CYP7B1: variants seen among roughly 807,000 people sequenced by gnomAD.
The protein encoded by CYP7B1 is cytochrome P450 7B1.
Under a neutral mutation model 42.7 loss-of-function variants are expected in CYP7B1, and 29 were observed. That is an observed-to-expected ratio of 0.68 (90% CI 0.51 to 0.93). The LOEUF (loss-of-function observed/expected upper bound fraction) is 0.93. Ranked by LOEUF, CYP7B1 falls within the 40% of genes least tolerant of loss-of-function variation. CYP7B1 has a pLI of 0.00. For synonymous variants in CYP7B1, 235 were observed against 218.2 expected (o/e 1.08, Z -0.68); for missense variants, 655 against 600.5 (o/e 1.09, Z -0.95).
intron 1 of CYP7B1, among the ~76,000 whole-genome samples, chr8:64,676,880 TC>T (rs1806453717): frequency 6.6e-6 from 1 of 152,088 alleles, no homozygotes; most frequent in South Asian, 2.1e-4. Context: ...ACAAAACTGA[TC>T]CACCATAGCC....
chr8:64,675,891 G>A (rs1211324663), intron 1 of CYP7B1, among the ~76,000 whole-genome samples: 1 of 152,078 alleles, frequency 6.6e-6, no homozygotes, highest in African/African-American at 2.4e-5. Context: ...ATGATATTCT[G>A]CACTTTTCTA....
chr8:64,750,417 G>A (rs1401090255), intron 1 of CYP7B1, among the ~76,000 whole-genome samples: 1 of 152,148 alleles, frequency 6.6e-6, no homozygotes, highest in Non-Finnish European at 1.5e-5. Context: ...CAATTTAAGG[G>A]CATGTTTGAA....
At chr8:64,641,669 C>CA (rs1400054975) in intron 1 of CYP7B1, among the ~76,000 whole-genome samples, 3 of 152,142 alleles carry the variant, frequency 2.0e-5, no homozygotes, top group Non-Finnish European at 4.4e-5. Context: ...GTGGTGTTCA[C>CA]AGTAGCCACT....
intron 1 of CYP7B1, among the ~76,000 whole-genome samples, chr8:64,645,478 T>C (rs1359668860): frequency 2.0e-5 from 3 of 152,108 alleles, no homozygotes; most frequent in South Asian, 2.1e-4. Flanking sequence ...TGGTATCTCA[T>C]TGTGGTTTTG....
chr8:64,664,823 C>G (rs936896502), intron 1 of CYP7B1, among the ~76,000 whole-genome samples: 3 of 152,132 alleles, frequency 2.0e-5, no homozygotes, highest in African/African-American at 7.2e-5. Context: ...GGTACTGAAG[C>G]ATGAGAAACA....
chr8:64,625,498 C>G (rs924156473), intron 1 of CYP7B1, among the ~76,000 whole-genome samples: 2 of 152,116 alleles, frequency 1.3e-5, no homozygotes, highest in Non-Finnish European at 2.9e-5. Flanking sequence ...GTTATAATAT[C>G]GATAAAAAAC....
intron 2 of CYP7B1, among the ~76,000 whole-genome samples, chr8:64,619,181 C>G (rs1805492807): frequency 6.6e-6 from 1 of 152,160 alleles, no homozygotes; most frequent in Admixed American, 6.5e-5. Flanking sequence ...TCTTTGTGAT[C>G]TTTAATCAGA....
chr8:64,655,361 G>T (rs1355829481), intron 1 of CYP7B1, among the ~76,000 whole-genome samples: 1 of 152,022 alleles, frequency 6.6e-6, no homozygotes, highest in Non-Finnish European at 1.5e-5. Context: ...GTGGGCAAAG[G>T]GCATGAACAG....
At chr8:64,713,714 G>A (rs1807114009) in intron 1 of CYP7B1, among the ~76,000 whole-genome samples, 1 of 152,074 alleles carries the variant, frequency 6.6e-6, no homozygotes, top group African/African-American at 2.4e-5. Context: ...GTAATGACCA[G>A]TAGGGTAATA....
At chr8:64,765,385 C>G (rs184103961) in intron 1 of CYP7B1, among the ~76,000 whole-genome samples, 1 of 152,286 alleles carries the variant, frequency 6.6e-6, no homozygotes, top group Admixed American at 6.5e-5. Flanking sequence ...GTTGCTTACA[C>G]CCTCTATGAA....
intron 1 of CYP7B1, chr8:64,728,141 T>A (rs554515826): frequency 6.6e-6 from 1 of 152,196 alleles, no homozygotes; most frequent in African/African-American, 2.4e-5. Flanking sequence ...AAAGGATACA[T>A]AATTTTTTAT....
At chr8:64,770,154 G>A (rs772092785) in intron 1 of CYP7B1, among the ~76,000 whole-genome samples, 5 of 152,040 alleles carry the variant, frequency 3.3e-5, no homozygotes, top group African/African-American at 4.8e-5. Context: ...CTGGCACCAT[G>A]CACTACTCTA....
chr8:64,673,329 G>A (rs1806395011), intron 1 of CYP7B1, among the ~76,000 whole-genome samples: 1 of 152,090 alleles, frequency 6.6e-6, no homozygotes, highest in Non-Finnish European at 1.5e-5. Flanking sequence ...CCATGTCCCT[G>A]TTTGAACTTG....
chr8:64,638,504 G>A (rs1360510919), intron 1 of CYP7B1, among the ~76,000 whole-genome samples: 1 of 152,100 alleles, frequency 6.6e-6, no homozygotes, highest in Non-Finnish European at 1.5e-5. Flanking sequence ...TTTGGAGACT[G>A]TTGCTGAAGT....
chr8:64,784,861 T>C (rs1343122419), intron 1 of CYP7B1, among the ~76,000 whole-genome samples: 2 of 152,144 alleles, frequency 1.3e-5, no homozygotes, highest in African/African-American at 4.8e-5. Flanking sequence ...CAAAAGCAGG[T>C]TCCATTTAAA....
chr8:64,673,021 A>AG (rs1806389514), intron 1 of CYP7B1, among the ~76,000 whole-genome samples: 1 of 152,074 alleles, frequency 6.6e-6, no homozygotes, highest in South Asian at 2.1e-4. Context: ...AAGGCAAGGG[A>AG]GAAAAAAAGC....
intron 1 of CYP7B1, among the ~76,000 whole-genome samples, chr8:64,653,646 C>G (rs1386898124): frequency 6.6e-6 from 1 of 152,150 alleles, no homozygotes; most frequent in Non-Finnish European, 1.5e-5. Context: ...CCGTCACATT[C>G]TGTGAGGCCA....
chr8:64,748,193 G>T (rs1000371113), intron 1 of CYP7B1, among the ~76,000 whole-genome samples: 5 of 152,146 alleles, frequency 3.3e-5, no homozygotes, highest in African/African-American at 9.7e-5. Flanking sequence ...TGAAGCACCT[G>T]CTGAGAAGCT....
At chr8:64,736,176 G>A (rs1807484814) in intron 1 of CYP7B1, among the ~76,000 whole-genome samples, 1 of 152,018 alleles carries the variant, frequency 6.6e-6, no homozygotes, top group South Asian at 2.1e-4. Context: ...TAAAAATATA[G>A]ATCTTGATTT....
Sources: allele counts gnomAD v4.1 joint callset (sites outside exome capture counted in the v4.1 genomes callset), GRCh38; gene constraint gnomAD v4.1.1; transcripts MANE v1.5; gene names NCBI Gene and HGNC (gene_info 2026-07-23, HGNC 2026-07-21).